IRF5: variants seen among roughly 807,000 people sequenced by gnomAD.
The protein encoded by IRF5 is interferon regulatory factor 5.
Under a neutral mutation model 55.1 loss-of-function variants are expected in IRF5, and 24 were observed. The observed-to-expected ratio is 0.44, with a 90% CI of 0.32 to 0.61. IRF5 has a LOEUF of 0.61. Ranked by LOEUF, IRF5 falls within the 20% of genes least tolerant of loss-of-function variation. The probability of loss-of-function intolerance (pLI) is 0.07; values close to 1 mark genes in which losing one functional copy is unlikely to be tolerated. For missense variants in IRF5, 499 were observed against 658.5 expected, an observed-to-expected ratio of 0.76 and a Z score of 2.65; for synonymous variants, 258 against 260.2, an observed-to-expected ratio of 0.99 and a Z score of 0.08.
chr7:128,947,414 C>A lies in IRF5; in HGVS notation c.666C>A (p.Asn222Lys), dbSNP rs1468801017. ...DPSPLAPPPG[N>K]PAGFRELLSE... ...GCCCCCTGGCTCCTCCCCCTGGCAA[C>A]CCTGCTGGCTTCAGGGAGCTTCTCT... The change falls in exon 6 of 9, where the codon AAC becomes AAA. Residue 222 changes from asparagine (N) to lysine (K), a missense_variant. Transcript: ENST00000357234. The surrounding 1 kb of genome is among the most constrained non-coding windows in gnomAD (Gnocchi z 6.5). 6.2e-7 allele frequency: 1 copy of A among 1,611,212 alleles called. No individual in the cohort carries two copies. The highest frequency in any genetic ancestry group is 1.3e-5 in the African/African-American group (1 of 74,902).
chr7:128,945,889 A>G lies in IRF5; in HGVS notation c.240A>G (p.Glu80=). Residue 80 remains glutamate (E), a synonymous_variant, in exon 3 of 9, where the codon GAA becomes GAG. Coordinates refer to ENST00000357234, the MANE Select transcript of IRF5 (RefSeq NM_001098629.3). ...ETGKYTEGVD[E]ADPAKWKANL... is the part of the protein sequence containing the mutation. The stretch of plus-strand genomic sequence containing the variant: ...GGAAATACACCGAAGGCGTGGATGA[A>G]GCCGATCCGGCCAAGTGGAAGGCCA... 1 of 1,613,334 alleles carries G rather than the reference A, an allele frequency of 6.2e-7. No homozygotes were observed. The highest frequency in any genetic ancestry group is 8.5e-7 in the Non-Finnish European group (1 of 1,179,814).
chr7:128,938,519 G>C (rs1795855679), intron 1 of IRF5, among the ~76,000 whole-genome samples: 1 of 152,218 alleles, frequency 6.6e-6, no homozygotes, highest in Non-Finnish European at 1.5e-5. Context: ...CTCTTACCGG[G>C]CCACCCTCAC....
chr7:128,940,680 G>A (rs1285831112), intron 1 of IRF5: 1 of 152,854 alleles, frequency 6.5e-6, no homozygotes. Context: ...GCAGAAAGCG[G>A]AACTGAGCCC....
rs1343901678 is a variant in IRF5, at chr7:128,947,706, T to A, written c.788-23T>A. The A allele has an allele frequency of 6.3e-7, 1 of 1,577,112 alleles. No homozygotes were observed. The highest frequency in any genetic ancestry group is 1.3e-5 in the African/African-American group (1 of 74,308). On this transcript the variant is annotated intron_variant, in intron 6 of 8. Coordinates refer to ENST00000357234, the MANE Select transcript of IRF5 (RefSeq NM_001098629.3). This position sits in a 1 kb window ranked among gnomAD's most constrained non-coding sequence, Gnocchi z 6.5. The stretch of plus-strand genomic sequence containing the variant: ...GGAGGCGTGGGGCTCAAGGACGGGA[T>A]GGGCCTGCCTTCTGCCCCACAGTGA...
At chr7:128,945,771 T>C (rs968679160) in intron 2 of IRF5, 74 bp from the exon 3 acceptor site, 19 of 1,454,550 alleles carry the variant, frequency 1.3e-5, no homozygotes, top group Admixed American at 2.2e-5. Context: ...TAGAGTCTCC[T>C]ATGGGACAGG....
Position 128,945,828 on chromosome 7 carries a change from A to G in IRF5, c.196-17A>G. The G allele has an allele frequency of 6.3e-7, 1 of 1,595,474 alleles. No homozygotes were observed. The highest frequency in any genetic ancestry group is 8.5e-7 in the Non-Finnish European group (1 of 1,175,076). On this transcript the variant is annotated splice_polypyrimidine_tract_variant and intron_variant, in intron 2 of 8. Transcript: ENST00000357234. ...GGGATGAGGTTCTCTGTGGTCGGCT[A>G]TTTCTTCCTGCCCCAGGCCTGGGCC...
Position 128,949,039 on chromosome 7 carries a change from G to C in IRF5, c.*221G>C, listed in dbSNP as rs144353804. 3 of 577,348 alleles carry C rather than the reference G, an allele frequency of 5.2e-6. No homozygotes were observed. The highest frequency in any genetic ancestry group is 9.1e-6 in the Non-Finnish European group (3 of 327,896). The allele number at this position is 577,348 out of a possible 1,614,324, so 35.8% of individuals were successfully genotyped here. ...CTCTGGTCTGGTCAGCCTGGCTCTC[G>C]GGAAATTCAGCCATGAGCAGGGAAA... On this transcript the variant is annotated 3_prime_UTR_variant, in exon 9 of 9. Coordinates refer to ENST00000357234, the MANE Select transcript of IRF5 (RefSeq NM_001098629.3).
intron 2 of IRF5, among the ~76,000 whole-genome samples, chr7:128,943,301 G>A (rs1796129549): frequency 6.6e-6 from 1 of 151,342 alleles, no homozygotes; most frequent in Non-Finnish European, 1.5e-5. Flanking sequence ...AGAGTGCTGG[G>A]ATTACAGGTG....
Position 128,946,718 on chromosome 7 carries a change from A to G in IRF5, c.447+156A>G, listed in dbSNP as rs1796326007. Reference sequence around the variant, plus strand: ...CTGGGATTCTGAACGATAGGAGCACAGTCCCCACCTGCTCCTTCCCAGGGC... The same window carrying G: ...CTGGGATTCTGAACGATAGGAGCACGGTCCCCACCTGCTCCTTCCCAGGGC... On this transcript the variant is annotated intron_variant, in intron 4 of 8. Transcript: ENST00000357234. This position sits in a 1 kb window ranked among gnomAD's most constrained non-coding sequence, Gnocchi z 4.2. 1 of 646,136 alleles carries G rather than the reference A, an allele frequency of 1.5e-6. No homozygotes were observed. The highest frequency in any genetic ancestry group is 2.7e-5 in the East Asian group (1 of 36,674). 40.0% of individuals were successfully genotyped at this position (646,136 alleles called of 1,614,324 possible).
upstream of IRF5, chr7:128,937,741 G>C (rs1410276772): frequency 2.0e-5 from 3 of 152,526 alleles, no homozygotes; most frequent in African/African-American, 7.2e-5. Flanking sequence ...ATTGCCAAAA[G>C]AGCCAGTGGC....
At position 128,948,491 on chromosome 7, in the gene IRF5, C is replaced by T; in HGVS notation, c.1300-82C>T. On this transcript the variant is annotated intron_variant, in intron 8 of 8. Transcript: ENST00000357234. This position sits in a 1 kb window ranked among gnomAD's most constrained non-coding sequence, Gnocchi z 4.6. ...CCGGAGAATGCGGTCTATTACTCAC[C>T]CCTGATGGCTGTCCTCATGCACAGC... 1.9e-6 allele frequency: 3 copies of T among 1,571,104 alleles called. No individual in the cohort carries two copies. The highest frequency in any genetic ancestry group is 2.6e-6 in the Non-Finnish European group (3 of 1,155,582).
At chr7:128,944,205 A>G (rs1160656271) in intron 2 of IRF5, among the ~76,000 whole-genome samples, 2 of 152,216 alleles carry the variant, frequency 1.3e-5, no homozygotes, top group Admixed American at 6.5e-5. Flanking sequence ...GTGACTGTAG[A>G]ATTTCCACTG....
rs935497546 is a variant in IRF5 at position 128,946,433 on chromosome 7, CAG to C, written c.386-67_386-66del. 1.3e-6 allele frequency: 2 copies of C among 1,548,786 alleles called. No individual in the cohort carries two copies. Among genetic ancestry groups the C allele is most frequent in the East Asian group, 2.4e-5 (1 of 41,842 alleles). ...TGCATAGGAGCTACAGGCAGCCTCT[CAG>C]GGGATCTTGCTTCTCCTCCGACATT... is the stretch of plus-strand genomic sequence containing the variant. On this transcript the variant is annotated intron_variant, in intron 3 of 8. Coordinates refer to ENST00000357234, the MANE Select transcript of IRF5 (RefSeq NM_001098629.3). This position sits in a 1 kb window ranked among gnomAD's most constrained non-coding sequence, Gnocchi z 4.2.
chr7:128,942,062 C>T lies in IRF5; in HGVS notation c.-11-9C>T. 1 of 1,583,592 alleles carries T rather than the reference C, an allele frequency of 6.3e-7. No individual in the cohort carries two copies. Among genetic ancestry groups the T allele is most frequent in the Non-Finnish European group, 8.6e-7 (1 of 1,163,844 alleles). ...CCTGCTGAGGCTCCCCTCTGGCTTT[C>T]TCCTGCAGACCCCTCTGCCATGAAC... On this transcript the variant is annotated splice_polypyrimidine_tract_variant and intron_variant, in intron 1 of 8. Coordinates refer to ENST00000357234, the MANE Select transcript of IRF5 (RefSeq NM_001098629.3).
chr7:128,940,439 CA>C (rs1795959054), intron 1 of IRF5: 1 of 152,288 alleles, frequency 6.6e-6, no homozygotes, highest in Non-Finnish European at 1.5e-5. Context: ...CAAGGCCTCT[CA>C]GGGGTCTACA....
In IRF5 at chr7:128,947,231, T is replaced by C; in HGVS notation, c.483T>C (p.Asp161=). The C allele has an allele frequency of 6.2e-7, 1 of 1,603,162 alleles. No homozygotes were observed. The highest frequency in any genetic ancestry group is 1.3e-5 in the African/African-American group (1 of 74,918). Residue 161 remains aspartate (D), a splice_region_variant and synonymous_variant, in exon 6 of 9, where the codon GAT becomes GAC. Coordinates refer to ENST00000357234, the MANE Select transcript of IRF5 (RefSeq NM_001098629.3). The surrounding 1 kb of genome is among the most constrained non-coding windows in gnomAD (Gnocchi z 6.5). ...GCCGTCCACACGCACTCTCTGTAGA[T>C]GCAGTGCAGTCTGGCCCCCACATGA... The part of the protein sequence containing the change: ...QRMLPSLSLT[D]AVQSGPHMTP...
At position 128,949,858 on chromosome 7, in the gene IRF5, TAA is replaced by T. The variant is rs914698938; in HGVS notation, c.*1042_*1043del. On this transcript the variant is annotated 3_prime_UTR_variant, in exon 9 of 9. Transcript: ENST00000357234. Reference sequence around the variant, plus strand: ...TCTTAGTCCCCCCAGAGCTGGTTGTTAAAGAGCCTGGCACCTACCCGCTCTCA... The same window carrying T: ...TCTTAGTCCCCCCAGAGCTGGTTGTTAGAGCCTGGCACCTACCCGCTCTCA... 6.6e-6 allele frequency: 1 copy of T among 152,144 alleles called. No individual in the cohort carries two copies. The highest frequency in any genetic ancestry group is 2.4e-5 in the African/African-American group (1 of 41,390). The allele number at this position is 152,144 out of a possible 1,614,324, so 9.4% of individuals were successfully genotyped here.
intron 1 of IRF5, chr7:128,940,982 C>G (rs984974270): frequency 6.6e-6 from 1 of 152,400 alleles, no homozygotes; most frequent in African/African-American, 2.4e-5. Flanking sequence ...ACTTGCTGAC[C>G]GACACATTCA....
At chr7:128,941,937 G>C in intron 1 of IRF5, 134 bp from the exon 2 acceptor site, 1 of 602,558 alleles carries the variant, frequency 1.7e-6, no homozygotes, top group Middle Eastern at 4.6e-4. Flanking sequence ...CTGATGCTTG[G>C]AAAAGAGAAT....
Sources: gnomAD v4.1 joint callset for allele counts (sites outside exome capture counted in the v4.1 genomes callset) on GRCh38, gnomAD v4.1.1 for gene constraint, Gnocchi (gnomAD v3.1) non-coding constraint, MANE v1.5 for transcripts, NCBI Gene and HGNC (gene_info 2026-07-23, HGNC 2026-07-21) for gene names.